Variants in CFAP299 observed in about 807,000 individuals in gnomAD.
CFAP299 encodes the protein cilia and flagella associated protein 299, also known as cilia- and flagella-associated protein 299.
A neutral mutation model predicts 27.0 loss-of-function variants in CFAP299; 21 were observed. The observed-to-expected ratio is 0.78, with a 90% CI of 0.55 to 1.12. The LOEUF is 1.12. CFAP299 is among the 50% of genes most tolerant of loss of function. The pLI is 0.00. For synonymous variants in CFAP299, 104 were observed against 98.1 expected (o/e 1.06, Z -0.36); for missense variants, 310 against 276.6 (o/e 1.12, Z -0.86).
chr4:80,580,316 G>A (rs180735554), intron 2 of CFAP299, among the ~76,000 whole-genome samples: 2 of 151,988 alleles, frequency 1.3e-5, no homozygotes, highest in African/African-American at 4.8e-5. Flanking sequence ...AAGTAATTGG[G>A]TACCTTGATT....
At chr4:80,454,886 T>G (rs993896765) in intron 2 of CFAP299, among the ~76,000 whole-genome samples, 2 of 151,718 alleles carry the variant, frequency 1.3e-5, no homozygotes, top group African/African-American at 2.4e-5. Context: ...AAGTGGGGAG[T>G]GTTGACTGGT....
intron 5 of CFAP299, among the ~76,000 whole-genome samples, chr4:80,960,615 G>A (rs1351430935): frequency 1.3e-5 from 2 of 151,660 alleles, no homozygotes; most frequent in Non-Finnish European, 3.0e-5. Flanking sequence ...CACTACAATA[G>A]GACAAAATTA....
intron 3 of CFAP299, among the ~76,000 whole-genome samples, chr4:80,757,865 AG>A (rs2110075732): frequency 6.6e-6 from 1 of 152,230 alleles, no homozygotes; most frequent in East Asian, 1.9e-4. Flanking sequence ...CGGAGCCAGT[AG>A]GGAAAAACTC....
chr4:80,799,969 TATATA>T (rs1445023788), intron 3 of CFAP299, among the ~76,000 whole-genome samples: 1 of 57,634 alleles, frequency 1.7e-5, no homozygotes, highest in Non-Finnish European at 2.9e-5. Flanking sequence ...ATATAATATT[TATATA>T]ATATAATATA....
chr4:80,716,567 C>T (rs1457409208), intron 3 of CFAP299, among the ~76,000 whole-genome samples: 1 of 151,998 alleles, frequency 6.6e-6, no homozygotes, highest in African/African-American at 2.4e-5. Flanking sequence ...TTGTATGCAT[C>T]GTTGTTCTTC....
At chr4:80,893,937 G>A (rs1734475259) in intron 4 of CFAP299, among the ~76,000 whole-genome samples, 2 of 151,784 alleles carry the variant, frequency 1.3e-5, no homozygotes, top group Admixed American at 1.3e-4. Flanking sequence ...TCTATGAAAT[G>A]GGAGAAAATA....
rs559929304 is a variant in CFAP299 at position 80,908,299 on chromosome 4, G to A, written c.477-36511G>A. On this transcript the variant is annotated intron_variant, in intron 4 of 5. Coordinates refer to ENST00000358105, the MANE Select transcript of CFAP299 (RefSeq NM_152770.3). Reference sequence around the variant, plus strand: ...CCTGTGGGTTACATTTATCAGAGCTGTAAAAATAGCCACAGAATACAAAGT... The same window carrying A: ...CCTGTGGGTTACATTTATCAGAGCTATAAAAATAGCCACAGAATACAAAGT... Among the ~76,000 whole-genome samples the A allele has an allele frequency of 8.5e-5, 13 of 152,298 alleles. 1 individual carries two copies. Among genetic ancestry groups the A allele is most frequent in the African/African-American group, 3.1e-4 (13 of 41,570 alleles).
chr4:80,396,197 A>C (rs1725780753), intron 2 of CFAP299, among the ~76,000 whole-genome samples: 1 of 152,184 alleles, frequency 6.6e-6, no homozygotes, highest in African/African-American at 2.4e-5. Flanking sequence ...TATTTGGTCT[A>C]AGGGAAGGGT....
chr4:80,426,857 C>T (rs1409344769), intron 2 of CFAP299, among the ~76,000 whole-genome samples: 1 of 152,168 alleles, frequency 6.6e-6, no homozygotes, highest in African/African-American at 2.4e-5. Flanking sequence ...ACTCTTAATC[C>T]TTGTAGTTAA....
intron 1 of CFAP299, among the ~76,000 whole-genome samples, chr4:80,343,015 G>A (rs1016642120): frequency 9.2e-5 from 14 of 152,126 alleles, no homozygotes; most frequent in African/African-American, 3.4e-4. Context: ...AAAAAAGCAG[G>A]GGTTGCAATC....
chr4:80,413,412 A>C (rs1176740643), intron 2 of CFAP299, among the ~76,000 whole-genome samples: 1 of 152,252 alleles, frequency 6.6e-6, no homozygotes, highest in African/African-American at 2.4e-5. Flanking sequence ...GGAGATGTTT[A>C]TAGCTAGGTA....
rs186762065 is a variant in CFAP299 at position 80,859,378 on chromosome 4, T to C, written c.334-10615T>C. The stretch of plus-strand genomic sequence containing the variant: ...ACTCTTTATCCAATTTGCCAGTCTG[T>C]GTCTTTTAATTGGAGCATTTAGTCC... On this transcript the variant is annotated intron_variant, in intron 3 of 5. Transcript: ENST00000358105. Among the ~76,000 whole-genome samples the C allele has an allele frequency of 8.6e-3, 1,311 of 152,320 alleles. 21 individuals are homozygous for C. Among genetic ancestry groups the C allele is most frequent in the African/African-American group, 0.03 (1,246 of 41,566 alleles).
intron 3 of CFAP299, among the ~76,000 whole-genome samples, chr4:80,820,086 A>G (rs1365661126): frequency 6.6e-6 from 1 of 152,130 alleles, no homozygotes; most frequent in Admixed American, 6.6e-5. Flanking sequence ...TCACTTCTGA[A>G]CACACTTTTA....
chr4:80,614,077 G>A (rs2109921339), intron 3 of CFAP299, among the ~76,000 whole-genome samples: 1 of 152,244 alleles, frequency 6.6e-6, no homozygotes. Context: ...TGCTTTGTCT[G>A]TTAAGGACAC....
chr4:80,891,510 C>A (rs1416936324), intron 4 of CFAP299, among the ~76,000 whole-genome samples: 7 of 141,202 alleles, frequency 5.0e-5, no homozygotes, highest in Non-Finnish European at 9.0e-5. Context: ...TAAACTATCG[C>A]AAGAACAAAA....
At chr4:80,698,523 T>C (rs329395) in intron 3 of CFAP299, among the ~76,000 whole-genome samples, 108,811 of 152,134 alleles carry the variant, frequency 0.72, 41,920 homozygotes, top group Non-Finnish European at 0.85. Context: ...TACTATTTAC[T>C]AAGGACTGTT....
At chr4:80,931,909 A>G (rs1257102104) in intron 4 of CFAP299, among the ~76,000 whole-genome samples, 2 of 152,154 alleles carry the variant, frequency 1.3e-5, no homozygotes, top group Non-Finnish European at 2.9e-5. Flanking sequence ...TTCAACTGTA[A>G]GGAGACAATT....
chr4:80,561,039 G>A (rs998199525), intron 2 of CFAP299, among the ~76,000 whole-genome samples: 1 of 152,256 alleles, frequency 6.6e-6, no homozygotes, highest in South Asian at 2.1e-4. Flanking sequence ...CAGGTCTGAT[G>A]CAGTGCAGTC....
intron 4 of CFAP299, among the ~76,000 whole-genome samples, chr4:80,937,577 T>C (rs1303655769): frequency 2.0e-5 from 3 of 152,072 alleles, no homozygotes; most frequent in Non-Finnish European, 4.4e-5. Context: ...CACCTTGGCC[T>C]CAGGAATATT....
Sources: allele counts gnomAD v4.1 joint callset (sites outside exome capture counted in the v4.1 genomes callset), GRCh38; gene constraint gnomAD v4.1.1; transcripts MANE v1.5; gene names NCBI Gene and HGNC (gene_info 2026-07-23, HGNC 2026-07-21).